The following CHN2 variants were observed in gnomAD, a reference collection of about 807,000 sequenced individuals.
CHN2 encodes the protein chimerin 2.
A neutral mutation model predicts 56.3 loss-of-function variants in CHN2; 35 were observed. The observed-to-expected ratio is 0.62, with a 90% CI of 0.47 to 0.82. The LOEUF (loss-of-function observed/expected upper bound fraction) is 0.82, where lower values mean the gene tolerates loss of function less well. Ranked by LOEUF, CHN2 falls within the 40% of genes least tolerant of loss-of-function variation. The probability of loss-of-function intolerance (pLI) is 0.00; values close to 1 mark genes in which losing one functional copy is unlikely to be tolerated. For missense variants in CHN2, 491 were observed against 580.5 expected (o/e 0.85, Z 1.58); for synonymous variants, 210 against 212.8 (o/e 0.99, Z 0.12).
chr7:29,511,824 C>T (rs983773691), intron 12 of CHN2, among the ~76,000 whole-genome samples: 11 of 137,550 alleles, frequency 8.0e-5, no homozygotes, highest in African/African-American at 2.6e-4. Flanking sequence ...AAACAAAACT[C>T]TGGGAGATAG....
At chr7:29,323,114 C>T (rs565657357) in intron 1 of CHN2, among the ~76,000 whole-genome samples, 1 of 152,274 alleles carries the variant, frequency 6.6e-6, no homozygotes, top group South Asian at 2.1e-4. Flanking sequence ...AAGATCGTGC[C>T]ACTGCACTCC....
chr7:29,356,687 GTTC>G (rs1394392371), intron 2 of CHN2, among the ~76,000 whole-genome samples: 2 of 152,150 alleles, frequency 1.3e-5, no homozygotes, highest in Admixed American at 6.5e-5. Flanking sequence ...ACATAAGTCT[GTTC>G]TTCCATCTGT....
At chr7:29,362,263 A>G (rs1340652663) in intron 2 of CHN2, among the ~76,000 whole-genome samples, 1 of 152,220 alleles carries the variant, frequency 6.6e-6, no homozygotes, top group East Asian at 1.9e-4. Flanking sequence ...TCTTCATTTC[A>G]TCCTCTGATC....
At chr7:29,197,681 G>A (rs1416359242) in intron 1 of CHN2, among the ~76,000 whole-genome samples, 1 of 152,202 alleles carries the variant, frequency 6.6e-6, no homozygotes, top group Non-Finnish European at 1.5e-5. Context: ...AAGCACGCGA[G>A]TGTTTTCCAG....
intron 7 of CHN2, among the ~76,000 whole-genome samples, chr7:29,494,080 G>A (rs1000349438): frequency 3.9e-5 from 6 of 151,998 alleles, no homozygotes; most frequent in Non-Finnish European, 7.4e-5. Flanking sequence ...TTTTGCTCCC[G>A]CAAGGCCTCC....
intron 1 of CHN2, among the ~76,000 whole-genome samples, chr7:29,246,422 C>T (rs1211108106): frequency 2.0e-5 from 3 of 152,124 alleles, no homozygotes; most frequent in Non-Finnish European, 2.9e-5. Context: ...TTCTTCCCTC[C>T]TTGTTTCCAA....
chr7:29,158,073 C>A (rs987913734), intron 2 of CHN2, among the ~76,000 whole-genome samples: 3 of 152,138 alleles, frequency 2.0e-5, no homozygotes, highest in African/African-American at 7.2e-5. Context: ...AAAAAAGACA[C>A]AATGAGCTCA....
At chr7:29,185,241 A>G (rs1225498625) in intron 2 of CHN2, among the ~76,000 whole-genome samples, 1 of 152,240 alleles carries the variant, frequency 6.6e-6, no homozygotes, top group East Asian at 1.9e-4. Flanking sequence ...CCTCACTGAC[A>G]GCTGGCTGTT....
At chr7:29,473,482 T>TTTTTTTTTTG (rs539151442) in intron 6 of CHN2, among the ~76,000 whole-genome samples, 127 of 118,172 alleles carry the variant, frequency 1.1e-3, no homozygotes, top group Middle Eastern at 9.3e-3. Flanking sequence ...TTTTTTTTTT[T>TTTTTTTTTTG]TGTGTGTGTG....
In CHN2 at chr7:29,311,900, G is replaced by A. The variant is rs114107562; in HGVS notation, c.50-42725G>A. Among the ~76,000 whole-genome samples, 1,446 of 152,334 alleles carry A rather than the reference G, an allele frequency of 9.5e-3. 24 individuals carry two copies. The highest frequency in any genetic ancestry group is 0.033 in the African/African-American group (1,385 of 41,568). ...CAAGAGTCTTGCCCTCAATAATGGA[G>A]GAGGGGGGTGACTTAGATTCTAGAA... On this transcript the variant is annotated intron_variant, in intron 1 of 12. Coordinates refer to ENST00000222792, the MANE Select transcript of CHN2 (RefSeq NM_004067.4).
chr7:29,239,445 T>C (rs1371046242), intron 1 of CHN2, among the ~76,000 whole-genome samples: 1 of 152,098 alleles, frequency 6.6e-6, no homozygotes, highest in Admixed American at 6.6e-5. Flanking sequence ...AAATAGGCAG[T>C]TGGATAAACA....
At chr7:29,431,357 G>A (rs1447318253) in intron 6 of CHN2, among the ~76,000 whole-genome samples, 1 of 152,158 alleles carries the variant, frequency 6.6e-6, no homozygotes, top group Non-Finnish European at 1.5e-5. Context: ...TCCTCCCTTA[G>A]CCACGGCTAA....
chr7:29,473,175 G>C (rs1339423222), intron 6 of CHN2, among the ~76,000 whole-genome samples: 1 of 152,214 alleles, frequency 6.6e-6, no homozygotes, highest in Non-Finnish European at 1.5e-5. Context: ...GTGGCATGAT[G>C]GGAGGTGGGT....
At chr7:29,158,688 C>T (rs1794763668) in intron 2 of CHN2, among the ~76,000 whole-genome samples, 1 of 152,094 alleles carries the variant, frequency 6.6e-6, no homozygotes, top group Admixed American at 6.5e-5. Flanking sequence ...TAGACATGGC[C>T]GTAGAGTTAA....
chr7:29,419,752 A>G (rs1022065457), intron 6 of CHN2, among the ~76,000 whole-genome samples: 1 of 152,232 alleles, frequency 6.6e-6, no homozygotes, highest in Non-Finnish European at 1.5e-5. Flanking sequence ...TACATCATTA[A>G]TCATTAAGGA....
At chr7:29,335,839 C>T (rs1424261485) in intron 1 of CHN2, 2 of 152,238 alleles carry the variant, frequency 1.3e-5, no homozygotes, top group South Asian at 4.1e-4. Flanking sequence ...TCTTAGTTTT[C>T]TTCCTCCACT....
intron 1 of CHN2, chr7:29,213,250 T>A (rs1177207635): frequency 1.0e-6 from 1 of 991,010 alleles, no homozygotes; most frequent in Middle Eastern, 3.0e-4. Context: ...AGTTTCACTC[T>A]GGGTAGTGGC....
chr7:29,462,377 G>A (rs181327672), intron 6 of CHN2, among the ~76,000 whole-genome samples: 1 of 152,242 alleles, frequency 6.6e-6, no homozygotes, highest in Admixed American at 6.5e-5. Context: ...ATGTTCTGTT[G>A]GGTCAGAAAT....
intron 7 of CHN2, among the ~76,000 whole-genome samples, chr7:29,482,882 C>A (rs576323096): frequency 7.8e-6 from 1 of 128,622 alleles, no homozygotes; most frequent in South Asian, 2.6e-4. Context: ...AGTGCAGTGG[C>A]GCGATCTCGG....
Sources: gnomAD v4.1 joint callset for allele counts (sites outside exome capture counted in the v4.1 genomes callset) on GRCh38, gnomAD v4.1.1 for gene constraint, MANE v1.5 for transcripts, NCBI Gene and HGNC (gene_info 2026-07-23, HGNC 2026-07-21) for gene names.